The following ENOX2 variants were observed in gnomAD, a reference collection of about 807,000 sequenced individuals.
The protein encoded by ENOX2 is APK1 antigen.
A neutral mutation model predicts 45.0 loss-of-function variants in ENOX2; 36 were observed. That is an observed-to-expected ratio of 0.80 (90% CI 0.61 to 1.06). The LOEUF (loss-of-function observed/expected upper bound fraction) is 1.06, where lower values mean the gene tolerates loss of function less well. Among genes scored for constraint, ENOX2 ranks in the 50% least tolerant of loss-of-function variants. The pLI, the probability that ENOX2 is intolerant of heterozygous loss-of-function variation, is 0.00. For missense variants in ENOX2, 423 were observed against 462.5 expected (o/e 0.91, Z 0.78); for synonymous variants, 174 against 152.3 (o/e 1.14, Z -1.05).
intron 2 of ENOX2, among the ~76,000 whole-genome samples, chrX:130,891,494 T>TG (rs1487057585): frequency 1.1e-5 from 1 of 88,375 alleles, no homozygotes; most frequent in Admixed American, 1.2e-4. Context: ...TATATGGTTT[T>TG]TTTTTTTTTT....
intron 3 of ENOX2, among the ~76,000 whole-genome samples, chrX:130,771,589 C>T (rs1259260185): frequency 8.9e-6 from 1 of 112,121 alleles, no homozygotes; most frequent in Non-Finnish European, 1.9e-5. Context: ...CCTATTTCCA[C>T]AACACTGACT....
intron 3 of ENOX2, among the ~76,000 whole-genome samples, chrX:130,764,499 GTTT>G (rs111932904): frequency 1.0e-5 from 1 of 98,765 alleles, no homozygotes; most frequent in Non-Finnish European, 2.1e-5. Flanking sequence ...GTATAGTACA[GTTT>G]TTTTTTTTTT....
intron 9 of ENOX2, among the ~76,000 whole-genome samples, chrX:130,657,959 T>C (rs2036589844): frequency 8.9e-6 from 1 of 111,935 alleles, no homozygotes; most frequent in African/African-American, 3.2e-5. Flanking sequence ...AATATGTTTA[T>C]AATGAATGAA....
At chrX:130,888,395 C>T (rs2078941210) in intron 2 of ENOX2, among the ~76,000 whole-genome samples, 2 of 111,898 alleles carry the variant, frequency 1.8e-5, no homozygotes, top group African/African-American at 6.5e-5. Context: ...GGCTGGGTAT[C>T]AGGAAACCTG....
intron 9 of ENOX2, among the ~76,000 whole-genome samples, chrX:130,665,014 G>C (rs1248899074): frequency 1.8e-5 from 2 of 111,952 alleles, no homozygotes. Context: ...TTCAATGGCA[G>C]ATCAGTGAAA....
chrX:130,751,500 G>T (rs1405054809), intron 3 of ENOX2, among the ~76,000 whole-genome samples: 5 of 111,814 alleles, frequency 4.5e-5, no homozygotes, highest in Admixed American at 1.9e-4. Context: ...GAATATAGCT[G>T]CTATGAACAT....
intron 2 of ENOX2, among the ~76,000 whole-genome samples, chrX:130,816,726 G>A (rs1430492458): frequency 9.0e-6 from 1 of 111,710 alleles, no homozygotes; most frequent in Non-Finnish European, 1.9e-5. Flanking sequence ...TGAGAACAAA[G>A]ACACAATGTA....
intron 4 of ENOX2, among the ~76,000 whole-genome samples, chrX:130,689,880 C>A (rs947434396): frequency 9.0e-6 from 1 of 111,294 alleles, no homozygotes; most frequent in African/African-American, 3.3e-5. Context: ...TGTTTCACTG[C>A]GAATCAGTAC....
chrX:130,656,572 T>C lies in ENOX2; in HGVS notation c.1129+9A>G, dbSNP rs2148085719. The C allele has an allele frequency of 9.9e-7, 1 of 1,012,857 alleles. No homozygotes were observed. Among genetic ancestry groups the C allele is most frequent in the East Asian group, 3.0e-5 (1 of 32,797 alleles). The allele number at this position is 1,012,857 out of a possible 1,213,427, so 83.5% of individuals were successfully genotyped here. A position where few individuals can be genotyped will look rare whatever the true frequency, so the allele number is the denominator to read the frequency against. On this transcript the variant is annotated intron_variant, in intron 10 of 14. Transcript: ENST00000394363. ...GTTTATTAAATAAAGAAAACAGAAT[T>C]ATCTTTACCTGATTCCTCAGTTTCT...
intron 10 of ENOX2, 49 bp downstream of exon 10, chrX:130,656,532 T>G (rs1227983777): frequency 1.3e-6 from 1 of 784,187 alleles, no homozygotes; most frequent in Admixed American, 2.4e-5. Context: ...GAAAATATCA[T>G]GTCTGCAAGT....
intron 2 of ENOX2, among the ~76,000 whole-genome samples, chrX:130,894,939 T>G (rs1373659473): frequency 1.8e-5 from 2 of 111,765 alleles, no homozygotes; most frequent in Non-Finnish European, 3.8e-5. Flanking sequence ...GCAATGCCCC[T>G]CATCCTTTAT....
intron 3 of ENOX2, among the ~76,000 whole-genome samples, chrX:130,731,921 T>C (rs948010145): frequency 2.7e-5 from 3 of 111,626 alleles, no homozygotes; most frequent in African/African-American, 9.8e-5. Flanking sequence ...AACTGAAAGC[T>C]TTTCCTCCTA....
At chrX:130,712,627 C>G (rs2038222823) in intron 3 of ENOX2, among the ~76,000 whole-genome samples, 1 of 111,272 alleles carries the variant, frequency 9.0e-6, no homozygotes, top group Admixed American at 9.5e-5. Flanking sequence ...CCCACACATG[C>G]AGGCAGCTTA....
intron 2 of ENOX2, among the ~76,000 whole-genome samples, chrX:130,786,387 C>CT (rs145967772): frequency 1.3e-4 from 14 of 105,847 alleles, no homozygotes; most frequent in Admixed American, 2.0e-4. Flanking sequence ...AACAGAAAAA[C>CT]TTTTTTTTTT....
intron 2 of ENOX2, among the ~76,000 whole-genome samples, chrX:130,787,224 A>G (rs1309256296): frequency 8.9e-6 from 1 of 112,232 alleles, no homozygotes; most frequent in Non-Finnish European, 1.9e-5. Flanking sequence ...ATAATTTTAC[A>G]GAATAACATA....
chrX:130,629,598 TC>T (rs1163138629), intron 13 of ENOX2, among the ~76,000 whole-genome samples: 1 of 112,679 alleles, frequency 8.9e-6, no homozygotes, highest in Non-Finnish European at 1.9e-5. Flanking sequence ...TTGTCACTTT[TC>T]TTGAAGATTC....
intron 13 of ENOX2, among the ~76,000 whole-genome samples, chrX:130,631,108 C>G (rs948983835): frequency 2.7e-5 from 3 of 111,172 alleles, no homozygotes; most frequent in Admixed American, 9.5e-5. Context: ...AGCTCTCTGC[C>G]AAATACGGTC....
intron 4 of ENOX2, among the ~76,000 whole-genome samples, chrX:130,701,759 C>A (rs978976084): frequency 1.8e-5 from 2 of 111,908 alleles, no homozygotes; most frequent in African/African-American, 6.5e-5. Flanking sequence ...ATTCACTGAT[C>A]CCAGATTGGC....
intron 6 of ENOX2, among the ~76,000 whole-genome samples, chrX:130,671,874 A>G (rs2036999435): frequency 8.9e-6 from 1 of 112,248 alleles, no homozygotes; most frequent in African/African-American, 3.2e-5. Flanking sequence ...ACTCAAGACT[A>G]TTTATAGAAA....
Sources: allele counts gnomAD v4.1 joint callset (sites outside exome capture counted in the v4.1 genomes callset), GRCh38; gene constraint gnomAD v4.1.1; transcripts MANE v1.5; gene names NCBI Gene and HGNC (gene_info 2026-07-23, HGNC 2026-07-21).